The following CTDSPL variants were observed in gnomAD, a reference collection of about 807,000 sequenced individuals.
CTDSPL encodes the protein CTD small phosphatase-like protein.
A neutral mutation model predicts 30.5 loss-of-function variants in CTDSPL; 8 were observed. The ratio of observed to expected loss-of-function variants is 0.26; its 90% confidence interval spans 0.15 to 0.47. The LOEUF (loss-of-function observed/expected upper bound fraction) is 0.47. Ranked by LOEUF, CTDSPL falls within the 20% of genes least tolerant of loss-of-function variation. The pLI, the probability that CTDSPL is intolerant of heterozygous loss-of-function variation, is 0.99. For missense variants in CTDSPL, 248 were observed against 366.1 expected (o/e 0.68, Z 2.63); for synonymous variants, 110 against 137.9 (o/e 0.80, Z 1.42).
chr3:37,881,586 A>C (rs1409656473), intron 1 of CTDSPL, among the ~76,000 whole-genome samples: 3 of 152,214 alleles, frequency 2.0e-5, no homozygotes, highest in African/African-American at 7.2e-5. Flanking sequence ...AAATAATGAA[A>C]TTAAAAGGAA....
At chr3:37,921,082 G>T (rs1044202656) in intron 1 of CTDSPL, among the ~76,000 whole-genome samples, 4 of 152,200 alleles carry the variant, frequency 2.6e-5, no homozygotes, top group Non-Finnish European at 5.9e-5. Flanking sequence ...GAAGAGCAGA[G>T]AAACAGTCCT....
intron 5 of CTDSPL, among the ~76,000 whole-genome samples, chr3:37,970,192 C>T (rs1699351407): frequency 6.6e-6 from 1 of 152,162 alleles, no homozygotes; most frequent in South Asian, 2.1e-4. Flanking sequence ...CCTGAAAGCC[C>T]ACTTCTTCTC....
intron 1 of CTDSPL, among the ~76,000 whole-genome samples, chr3:37,927,684 G>GTA (rs71094933): frequency 0.087 from 10,232 of 117,538 alleles, 570 homozygotes; most frequent in African/African-American, 0.18. Flanking sequence ...GTGTGTATGT[G>GTA]TATATATATA....
At chr3:37,980,426 A>C (rs560275963) in intron 7 of CTDSPL, among the ~76,000 whole-genome samples, 78 of 152,278 alleles carry the variant, frequency 5.1e-4, no homozygotes, top group Non-Finnish European at 9.6e-4. Flanking sequence ...GAGCTTTTGG[A>C]AGTTGGCAAG....
At chr3:37,968,193 A>T (rs1269593044) in intron 5 of CTDSPL, 2 of 460,792 alleles carry the variant, frequency 4.3e-6, no homozygotes, top group Non-Finnish European at 8.4e-6. Context: ...TCCTTGTGTA[A>T]TTGCTTTCGG....
At chr3:37,946,754 G>A (rs1699043506) in intron 1 of CTDSPL, among the ~76,000 whole-genome samples, 1 of 152,196 alleles carries the variant, frequency 6.6e-6, no homozygotes, top group Non-Finnish European at 1.5e-5. Flanking sequence ...GAATGCAGAT[G>A]GGGACTGACC....
At chr3:37,892,882 T>G (rs928177142) in intron 1 of CTDSPL, among the ~76,000 whole-genome samples, 6 of 152,232 alleles carry the variant, frequency 3.9e-5, no homozygotes, top group Admixed American at 3.9e-4. Flanking sequence ...TCCTTTGTCT[T>G]CAGCACCATT....
rs183088797 is a variant in CTDSPL, at chr3:37,903,700, G to A, written c.79+41422G>A. On this transcript the variant is annotated intron_variant, in intron 1 of 7. Coordinates refer to ENST00000273179, the MANE Select transcript of CTDSPL (RefSeq NM_001008392.2). Reference sequence around the variant, plus strand: ...ACCCCTGCCAGACTCCTCTCAATTTGAGCTGTGAGGTGACTTCATAGTAAC... The same window carrying A: ...ACCCCTGCCAGACTCCTCTCAATTTAAGCTGTGAGGTGACTTCATAGTAAC... 1.6e-4 allele frequency among the ~76,000 whole-genome samples: 25 copies of A among 152,312 alleles called. 1 individual carries two copies. The East Asian group carries it at 4.2e-3, about 26-fold the overall frequency.
At chr3:37,917,167 C>T (rs1040894467) in intron 1 of CTDSPL, among the ~76,000 whole-genome samples, 2 of 152,172 alleles carry the variant, frequency 1.3e-5, no homozygotes, top group Non-Finnish European at 2.9e-5. Flanking sequence ...TGAGCACTGA[C>T]GTCCTACACC....
chr3:37,957,245 TG>T, intron 3 of CTDSPL, 102 bp downstream of exon 3: 1 of 758,954 alleles, frequency 1.3e-6, no homozygotes, highest in Non-Finnish European at 2.1e-6. Context: ...TTGCTTATGG[TG>T]AGTTTATCAT....
At chr3:37,924,032 A>G (rs1698751717) in intron 1 of CTDSPL, among the ~76,000 whole-genome samples, 1 of 152,256 alleles carries the variant, frequency 6.6e-6, no homozygotes, top group Admixed American at 6.5e-5. Context: ...TCATTAAAAC[A>G]AAACGAAACA....
At chr3:37,868,455 C>T (rs1698036906) in intron 1 of CTDSPL, among the ~76,000 whole-genome samples, 1 of 151,818 alleles carries the variant, frequency 6.6e-6, no homozygotes, top group South Asian at 2.1e-4. Flanking sequence ...ATTGATTGTG[C>T]TTTTGGTGTC....
At chr3:37,928,510 G>A (rs1397984151) in intron 1 of CTDSPL, among the ~76,000 whole-genome samples, 8 of 152,110 alleles carry the variant, frequency 5.3e-5, no homozygotes, top group Non-Finnish European at 1.0e-4. Flanking sequence ...TTATATACCT[G>A]TTGACCACTT....
chr3:37,877,805 G>A (rs573069419), intron 1 of CTDSPL, among the ~76,000 whole-genome samples: 31 of 152,196 alleles, frequency 2.0e-4, no homozygotes, highest in African/African-American at 9.6e-5. Context: ...AAAGAGGGAC[G>A]GCAAGAGAGG....
At chr3:37,887,061 C>G (rs932171115) in intron 1 of CTDSPL, among the ~76,000 whole-genome samples, 1 of 152,180 alleles carries the variant, frequency 6.6e-6, no homozygotes, top group African/African-American at 2.4e-5. Context: ...GTTTGGGTTA[C>G]TCTACAATCA....
intron 2 of CTDSPL, among the ~76,000 whole-genome samples, chr3:37,949,163 A>G (rs1699080120): frequency 6.6e-6 from 1 of 152,164 alleles, no homozygotes; most frequent in East Asian, 1.9e-4. Flanking sequence ...TAAACACAAT[A>G]TTTGGTTTTA....
rs765619905 is a variant in CTDSPL, at chr3:37,971,522, A to ACACTCCCAGCCTGGTACTCCCAGCCCCT, written c.519+25_519+52dup. The ACACTCCCAGCCTGGTACTCCCAGCCCCT allele has an allele frequency of 4.4e-6, 7 of 1,605,884 alleles. No individual in the cohort carries two copies. The African/African-American group carries it at 9.4e-5, about 22-fold the overall frequency. ...AAGGTGAGTCCTGCTTCCCAGCCCC[A>ACACTCCCAGCCTGGTACTCCCAGCCCCT]CACTCCCAGCCTGGTACTCCCAGCC... On this transcript the variant is annotated intron_variant, in intron 6 of 7. Coordinates refer to ENST00000273179, the MANE Select transcript of CTDSPL (RefSeq NM_001008392.2).
At chr3:37,912,187 G>A (rs1006473829) in intron 1 of CTDSPL, among the ~76,000 whole-genome samples, 1 of 152,170 alleles carries the variant, frequency 6.6e-6, no homozygotes, top group African/African-American at 2.4e-5. Flanking sequence ...TCACAGCCCC[G>A]CAAGTGGGGT....
chr3:37,902,929 G>A (rs548670772), intron 1 of CTDSPL, among the ~76,000 whole-genome samples: 1 of 152,308 alleles, frequency 6.6e-6, no homozygotes, highest in East Asian at 1.9e-4. Context: ...CACAACTCTA[G>A]GGGGCAACAT....
Sources: allele counts gnomAD v4.1 joint callset (sites outside exome capture counted in the v4.1 genomes callset), GRCh38; gene constraint gnomAD v4.1.1; transcripts MANE v1.5; gene names NCBI Gene and HGNC (gene_info 2026-07-23, HGNC 2026-07-21).